Variants in DOCK2 observed in about 807,000 individuals in gnomAD.
DOCK2 encodes dedicator of cytokinesis 2, also known as dedicator of cytokinesis protein 2.
DOCK2 carries 87 observed loss-of-function variants against 248.9 expected under a neutral mutation model. The observed-to-expected ratio is 0.35, with a 90% CI of 0.29 to 0.42. The LOEUF (loss-of-function observed/expected upper bound fraction) is 0.42. Among genes scored for constraint, DOCK2 ranks in the 10% least tolerant of loss-of-function variants. The pLI, the probability that DOCK2 is intolerant of heterozygous loss-of-function variation, is 1.00. For synonymous variants in DOCK2, 805 were observed against 821.6 expected, an observed-to-expected ratio of 0.98 and a Z score of 0.35; for missense variants, 1,747 against 2,300.2, an observed-to-expected ratio of 0.76 and a Z score of 4.92.
At chr5:169,650,980 C>T (rs1156654006) in intron 1 of DOCK2, among the ~76,000 whole-genome samples, 1 of 152,178 alleles carries the variant, frequency 6.6e-6, no homozygotes, top group African/African-American at 2.4e-5. Context: ...TGGACAGGCA[C>T]TGGGCAGGGT....
At chr5:169,992,944 G>A (rs1039092975) in intron 29 of DOCK2, among the ~76,000 whole-genome samples, 2 of 152,162 alleles carry the variant, frequency 1.3e-5, no homozygotes, top group African/African-American at 4.8e-5. Flanking sequence ...TCAGCACAGG[G>A]GCAAATCAAT....
At chr5:169,787,420 T>G (rs1338826643) in intron 25 of DOCK2, among the ~76,000 whole-genome samples, 2 of 152,198 alleles carry the variant, frequency 1.3e-5, no homozygotes, top group African/African-American at 4.8e-5. Flanking sequence ...AGTCATTGAC[T>G]GTTACTCCCA....
At chr5:169,863,534 G>A (rs1021998779) in intron 27 of DOCK2, among the ~76,000 whole-genome samples, 3 of 152,186 alleles carry the variant, frequency 2.0e-5, no homozygotes, top group Non-Finnish European at 4.4e-5. Flanking sequence ...ATGGTTTAGG[G>A]TGGGCCCTGG....
At chr5:169,724,626 G>A (rs989523844) in intron 22 of DOCK2, among the ~76,000 whole-genome samples, 1 of 152,056 alleles carries the variant, frequency 6.6e-6, no homozygotes, top group Non-Finnish European at 1.5e-5. Context: ...AGCATGGTTC[G>A]CAGCTCAGCG....
intron 27 of DOCK2, among the ~76,000 whole-genome samples, chr5:169,975,802 A>G (rs952767719): frequency 3.3e-5 from 5 of 152,234 alleles, no homozygotes; most frequent in Non-Finnish European, 7.3e-5. Flanking sequence ...GGCTCTTCCC[A>G]ACGGGGATGT....
intron 46 of DOCK2, among the ~76,000 whole-genome samples, chr5:170,073,429 C>A (rs572701286): frequency 1.3e-5 from 2 of 152,216 alleles, no homozygotes; most frequent in Admixed American, 1.3e-4. Context: ...TCTTCTAAGT[C>A]CTTTGTATTT....
chr5:170,072,281 T>C (rs533606273), intron 46 of DOCK2, among the ~76,000 whole-genome samples: 1 of 152,360 alleles, frequency 6.6e-6, no homozygotes, highest in South Asian at 2.1e-4. Context: ...CAGTATGTAC[T>C]ACTGTATCTG....
chr5:170,077,636 G>A, intron 47 of DOCK2, 74 bp from the exon 48 acceptor site: 1 of 1,588,486 alleles, frequency 6.3e-7, no homozygotes, highest in Non-Finnish European at 8.6e-7. Context: ...CTAGGTGGAG[G>A]AAGAAGGTGA....
In DOCK2 at chr5:169,684,325, G is replaced by C. The variant is rs139449745; in HGVS notation, c.736G>C (p.Asp246His). 1 of 1,614,100 alleles carries C rather than the reference G, an allele frequency of 6.2e-7. No individual in the cohort carries two copies. Among genetic ancestry groups the C allele is most frequent in the South Asian group, 1.1e-5 (1 of 91,078 alleles). The part of the protein sequence containing the change: ...EDAELFMSLY[D>H]PNKQTVISEN... ...TGCTGAGCTCTTCATGTCTCTCTAC[G>C]ACCCCAACAAGCAAACGGTCATAAG... Residue 246 changes from aspartate (D) to histidine (H), a missense_variant, in exon 8 of 52, where the codon GAC becomes CAC. Asp to His is a moderately conservative substitution (Grantham distance 81, BLOSUM62 -1). This residue lies in a region of DOCK2 where 375 missense variants were observed against 510.9 expected (regional missense o/e 0.73). Coordinates refer to ENST00000520908, the MANE Select transcript of DOCK2 (RefSeq NM_004946.3).
chr5:169,945,113 A>C (rs1776392440), intron 27 of DOCK2, among the ~76,000 whole-genome samples: 1 of 152,108 alleles, frequency 6.6e-6, no homozygotes, highest in Non-Finnish European at 1.5e-5. Context: ...CTGTGGTTTC[A>C]TTTTCTTTCT....
chr5:170,060,817 G>T (rs902874691), intron 44 of DOCK2, among the ~76,000 whole-genome samples: 2 of 152,100 alleles, frequency 1.3e-5, no homozygotes, highest in Non-Finnish European at 2.9e-5. Flanking sequence ...GGATCACAAG[G>T]TTAGGAGTTC....
At chr5:170,001,609 T>A (rs577115464) in intron 30 of DOCK2, among the ~76,000 whole-genome samples, 7 of 152,238 alleles carry the variant, frequency 4.6e-5, no homozygotes, top group Admixed American at 3.9e-4. Flanking sequence ...AATCTCATAT[T>A]TTTTTTAGGG....
chr5:170,047,465 T>A (rs368386888), intron 39 of DOCK2, 45 bp from the exon 40 acceptor site: 1 of 1,575,414 alleles, frequency 6.3e-7, no homozygotes, highest in East Asian at 2.3e-5. Flanking sequence ...GAATGTGCCT[T>A]TGATACACAT....
intron 27 of DOCK2, among the ~76,000 whole-genome samples, chr5:169,906,282 T>C (rs1261237600): frequency 6.6e-6 from 1 of 152,116 alleles, no homozygotes; most frequent in Admixed American, 6.5e-5. Flanking sequence ...AAAATGAGTA[T>C]GATCATAGTA....
chr5:170,047,026 C>T lies in DOCK2; in HGVS notation c.3967-484C>T, dbSNP rs372094168. ...GACTGTTTCCAGAGATGTTAAAATACGAAAAACACACACCTCTTAGAATAG... is the reference window on the plus strand; with the variant it reads ...GACTGTTTCCAGAGATGTTAAAATATGAAAAACACACACCTCTTAGAATAG... On this transcript the variant is annotated intron_variant, in intron 39 of 51. Transcript: ENST00000520908. Among the ~76,000 whole-genome samples the T allele has an allele frequency of 1.5e-4, 23 of 152,224 alleles. No homozygotes were observed. The East Asian group carries it at 1.7e-3, about 11-fold the overall frequency.
chr5:169,973,678 T>G (rs1777608126), intron 27 of DOCK2, among the ~76,000 whole-genome samples: 1 of 152,204 alleles, frequency 6.6e-6, no homozygotes, highest in Non-Finnish European at 1.5e-5. Flanking sequence ...TATGCGGTAT[T>G]GGTACCTCAT....
chr5:169,823,467 T>C (rs1335215901), intron 26 of DOCK2, among the ~76,000 whole-genome samples: 1 of 152,050 alleles, frequency 6.6e-6, no homozygotes, highest in Non-Finnish European at 1.5e-5. Flanking sequence ...TGGTTCAATA[T>C]ACGCAAGTCA....
At chr5:169,723,544 A>C (rs2113584473) in intron 22 of DOCK2, among the ~76,000 whole-genome samples, 1 of 152,190 alleles carries the variant, frequency 6.6e-6, no homozygotes, top group South Asian at 2.1e-4. Flanking sequence ...AATTCTACGG[A>C]GGACCCCATT....
At chr5:169,845,327 A>C (rs996166219) in intron 27 of DOCK2, among the ~76,000 whole-genome samples, 6 of 151,860 alleles carry the variant, frequency 4.0e-5, no homozygotes, top group Non-Finnish European at 7.4e-5. Context: ...GGCCCTGTGC[A>C]TACTTAGGTC....
Sources: gnomAD v4.1 joint callset for allele counts (sites outside exome capture counted in the v4.1 genomes callset) on GRCh38, gnomAD v4.1.1 for gene constraint, gnomAD v4.1.1 regional missense constraint, MANE v1.5 for transcripts, NCBI Gene and HGNC (gene_info 2026-07-23, HGNC 2026-07-21) for gene names.